CRISPLD2: variants seen among roughly 807,000 people sequenced by gnomAD.
CRISPLD2 encodes cysteine rich secretory protein LCCL domain containing 2.
A neutral mutation model predicts 71.1 loss-of-function variants in CRISPLD2; 47 were observed. The ratio of observed to expected loss-of-function variants is 0.66; its 90% confidence interval spans 0.52 to 0.84. The LOEUF is 0.84. Among genes scored for constraint, CRISPLD2 ranks in the 40% least tolerant of loss-of-function variants. CRISPLD2 has a pLI of 0.00. For missense variants in CRISPLD2, 830 were observed against 651.1 expected (o/e 1.27, Z -2.99); for synonymous variants, 317 against 250.1 (o/e 1.27, Z -2.52).
intron 1 of CRISPLD2, among the ~76,000 whole-genome samples, chr16:84,822,193 C>A (rs1014953281): frequency 6.8e-6 from 1 of 146,854 alleles, no homozygotes; most frequent in Non-Finnish European, 1.5e-5. Flanking sequence ...AGAGCCCCGT[C>A]CCAGGACCCA....
intron 8 of CRISPLD2, among the ~76,000 whole-genome samples, chr16:84,872,217 T>A (rs2071477001): frequency 1.3e-5 from 2 of 152,138 alleles, no homozygotes; most frequent in South Asian, 2.1e-4. Flanking sequence ...CCTAGGGAAG[T>A]TCTGGAACCA....
intron 14 of CRISPLD2, among the ~76,000 whole-genome samples, chr16:84,903,904 C>A (rs1248386809): frequency 2.0e-5 from 3 of 152,232 alleles, no homozygotes; most frequent in Non-Finnish European, 4.4e-5. Flanking sequence ...CCTGTTCACC[C>A]CACCAGCTCC....
At chr16:84,904,910 C>G (rs767929354) in intron 14 of CRISPLD2, among the ~76,000 whole-genome samples, 1 of 152,176 alleles carries the variant, frequency 6.6e-6, no homozygotes, top group Non-Finnish European at 1.5e-5. Context: ...CTAGATATGA[C>G]GCCAAAAGCA....
At chr16:84,894,549 T>C (rs1450888460) in intron 14 of CRISPLD2, among the ~76,000 whole-genome samples, 1 of 152,046 alleles carries the variant, frequency 6.6e-6, no homozygotes, top group East Asian at 1.9e-4. Flanking sequence ...CCTGTCCTCA[T>C]AGGGGTGTGG....
At position 84,880,589 on chromosome 16, in the gene CRISPLD2, G is replaced by A; in HGVS notation, c.1305+5G>A. Reference sequence around the variant, plus strand: ...GGAACCAACATCTATGCAGATGTGAGTAGGATGCATTTTCAACAACTATCT... The same window carrying A: ...GGAACCAACATCTATGCAGATGTGAATAGGATGCATTTTCAACAACTATCT... On this transcript the variant is annotated splice_donor_5th_base_variant and intron_variant, in intron 13 of 14. Transcript: ENST00000262424. The A allele has an allele frequency of 6.2e-7, 1 of 1,612,356 alleles. No individual in the cohort carries two copies. The highest frequency in any genetic ancestry group is 2.2e-5 in the East Asian group (1 of 44,868).
intron 5 of CRISPLD2, among the ~76,000 whole-genome samples, chr16:84,851,979 T>C (rs1479470357): frequency 1.3e-5 from 2 of 152,152 alleles, no homozygotes; most frequent in African/African-American, 4.8e-5. Context: ...CATCAGACTT[T>C]TATGTCTCAC....
intron 6 of CRISPLD2, among the ~76,000 whole-genome samples, chr16:84,857,735 G>A (rs992446616): frequency 6.6e-6 from 1 of 152,148 alleles, no homozygotes; most frequent in Non-Finnish European, 1.5e-5. Context: ...TCTGTCAACT[G>A]ATCATAGGGA....
chr16:84,820,176 C>T (rs1916199535), intron 1 of CRISPLD2, 43 bp downstream of exon 1: 1 of 152,140 alleles, frequency 6.6e-6, no homozygotes, highest in African/African-American at 2.4e-5. Context: ...AAACTGTTAC[C>T]CCCCCGAGAA....
intron 13 of CRISPLD2, among the ~76,000 whole-genome samples, chr16:84,886,054 C>A (rs2071610445): frequency 6.6e-6 from 1 of 152,112 alleles, no homozygotes; most frequent in African/African-American, 2.4e-5. Flanking sequence ...CCATGCCCAG[C>A]TAATTTTCTA....
rs749815127 is a variant in CRISPLD2, at chr16:84,854,747, AGCCCCCTACAAGAATG to A, written c.631_646del (p.Pro211GlyfsTer34). The A allele has an allele frequency of 1.9e-6, 3 of 1,614,082 alleles. No homozygotes were observed. Among genetic ancestry groups the A allele is most frequent in the Non-Finnish European group, 2.5e-6 (3 of 1,179,964 alleles). On this transcript the variant is annotated frameshift_variant, in exon 6 of 15. Coordinates refer to ENST00000262424, the MANE Select transcript of CRISPLD2 (RefSeq NM_031476.4). LOFTEE classifies it high-confidence loss of function. ...TCCTCAGGGGGAACTGGATTGGAGAAGCCCCCTACAAGAATGGCCGGCCCTGCTCTGAGTGCCCACC... is the reference window on the plus strand; with the variant it reads ...TCCTCAGGGGGAACTGGATTGGAGAAGCCGGCCCTGCTCTGAGTGCCCACC...
At chr16:84,893,314 G>A (rs2071678835) in intron 14 of CRISPLD2, among the ~76,000 whole-genome samples, 1 of 152,206 alleles carries the variant, frequency 6.6e-6, no homozygotes, top group Non-Finnish European at 1.5e-5. Flanking sequence ...AGGGGCACCT[G>A]TTGCCACAAC....
intron 14 of CRISPLD2, among the ~76,000 whole-genome samples, chr16:84,893,549 GAC>G (rs1313501303): frequency 6.6e-6 from 1 of 152,214 alleles, no homozygotes; most frequent in Non-Finnish European, 1.5e-5. Flanking sequence ...CACAACAGCA[GAC>G]CTCTGCCGTC....
Position 84,889,269 on chromosome 16 carries a change from A to G in CRISPLD2, c.1345A>G (p.Ile449Val), listed in dbSNP as rs1427708179. The change falls in exon 14 of 15, where the codon ATC (isoleucine) becomes GTC (valine). Residue 449 changes from isoleucine (I) to valine (V), a missense_variant. Physicochemically the swap from Ile to Val is conservative, Grantham distance 29 (BLOSUM62 3). Transcript: ENST00000262424. Reference sequence around the variant, plus strand: ...CAAGACAGCCGTGCACGCGGGAGTCATCAGCAACGAGAGTGGGGGTGACGT... The same window carrying G: ...CAAGACAGCCGTGCACGCGGGAGTCGTCAGCAACGAGAGTGGGGGTGACGT... ...ICKTAVHAGV[I>V]SNESGGDVDV... is the part of the protein sequence containing the mutation. The G allele has an allele frequency of 2.5e-6, 4 of 1,614,154 alleles. No homozygotes were observed. In the African/African-American group the frequency reaches 4.0e-5, roughly 16 times the overall value.
chr16:84,854,338 T>C (rs986553685), intron 5 of CRISPLD2, among the ~76,000 whole-genome samples: 3 of 152,160 alleles, frequency 2.0e-5, no homozygotes, highest in Admixed American at 2.0e-4. Flanking sequence ...TGGGACAGGC[T>C]GGCTTTACAC....
At chr16:84,857,288 C>T (rs1917268001) in intron 6 of CRISPLD2, among the ~76,000 whole-genome samples, 1 of 152,230 alleles carries the variant, frequency 6.6e-6, no homozygotes, top group Admixed American at 6.5e-5. Context: ...GAGTGGTGTC[C>T]ACAGAATGAG....
At chr16:84,842,423 G>A (rs1474994171) in intron 2 of CRISPLD2, among the ~76,000 whole-genome samples, 1 of 144,050 alleles carries the variant, frequency 6.9e-6, no homozygotes, top group African/African-American at 2.6e-5. Context: ...CGCCTAGGCT[G>A]GAGTGCAGTG....
intron 11 of CRISPLD2, among the ~76,000 whole-genome samples, 181 bp downstream of exon 11, chr16:84,874,144 C>T (rs562771908): frequency 7.2e-5 from 11 of 152,134 alleles, no homozygotes; most frequent in African/African-American, 2.7e-4. Flanking sequence ...AATATCTGGA[C>T]TGGAAATTGG....
intron 6 of CRISPLD2, among the ~76,000 whole-genome samples, chr16:84,855,212 G>A (rs1026205363): frequency 1.3e-5 from 2 of 152,206 alleles, no homozygotes; most frequent in African/African-American, 4.8e-5. Flanking sequence ...ACTTTGGGAG[G>A]CTGAGGCAGG....
rs143858423 is a variant in CRISPLD2, at chr16:84,825,216, G to A, written c.-75+5083G>A. ...GTTTGGGAAATGCTGGATCAAGGTC[G>A]GGGAAGAAGGAGAACTGAGAGGCTG... On this transcript the variant is annotated intron_variant, in intron 1 of 14. Coordinates refer to ENST00000262424, the MANE Select transcript of CRISPLD2 (RefSeq NM_031476.4). Among the ~76,000 whole-genome samples, 903 of 151,784 alleles carry A rather than the reference G, an allele frequency of 5.9e-3. 6 individuals are homozygous for A. The highest frequency in any genetic ancestry group is 0.017 in the Middle Eastern group (5 of 292).
Sources: allele counts gnomAD v4.1 joint callset (sites outside exome capture counted in the v4.1 genomes callset), GRCh38; gene constraint gnomAD v4.1.1; transcripts MANE v1.5; gene names NCBI Gene and HGNC (gene_info 2026-07-23, HGNC 2026-07-21).